CAND1: variants seen among roughly 807,000 people sequenced by gnomAD.
The protein encoded by CAND1 is cullin-associated NEDD8-dissociated protein 1.
CAND1 carries 7 observed loss-of-function variants against 108.5 expected under a neutral mutation model. The ratio of observed to expected loss-of-function variants is 0.06; its 90% confidence interval spans 0.04 to 0.12. The LOEUF (loss-of-function observed/expected upper bound fraction) is 0.12. Among genes scored for constraint, CAND1 ranks in the 10% least tolerant of loss-of-function variants. The probability of loss-of-function intolerance (pLI) is 1.00; values close to 1 mark genes in which losing one functional copy is unlikely to be tolerated. For missense variants in CAND1, 941 were observed against 1,448.7 expected (o/e 0.65, Z 5.69); for synonymous variants, 534 against 512.0 (o/e 1.04, Z -0.58).
rs375165245 is a variant in CAND1, at chr12:67,288,125, A to G, written c.213-4497A>G. Among the ~76,000 whole-genome samples the G allele has an allele frequency of 2.5e-4, 37 of 147,808 alleles. No individual in the cohort carries two copies. In the South Asian group the frequency reaches 7.7e-3, roughly 31 times the overall value. On this transcript the variant is annotated intron_variant, in intron 2 of 14. Transcript: ENST00000545606. ...GGTATTTGATAGTGTTCAGATTTAT[A>G]TCTTTTCTGAATTTTTTTTTTTTTT...
intron 1 of CAND1, among the ~76,000 whole-genome samples, chr12:67,274,865 A>G (rs895111137): frequency 2.0e-5 from 3 of 152,254 alleles, no homozygotes; most frequent in Admixed American, 6.5e-5. Context: ...CAGAGCTGGA[A>G]GGAACCTTAG....
chr12:67,272,675 TTTG>T (rs1050649018), intron 1 of CAND1, among the ~76,000 whole-genome samples: 52 of 152,094 alleles, frequency 3.4e-4, no homozygotes, highest in African/African-American at 8.9e-4. Flanking sequence ...ATGCAGGGTT[TTTG>T]TTGTTGTTGT....
Position 67,269,446 on chromosome 12 carries a change from C to G in CAND1, c.-272C>G. 2.1e-6 allele frequency: 1 copy of G among 474,828 alleles called. No individual in the cohort carries two copies. Among genetic ancestry groups the G allele is most frequent in the Non-Finnish European group, 3.7e-6 (1 of 271,688 alleles). 29.4% of individuals were successfully genotyped at this position (474,828 alleles called of 1,614,324 possible). A position where few individuals can be genotyped will look rare whatever the true frequency, so the allele number is the denominator to read the frequency against. On this transcript the variant is annotated 5_prime_UTR_variant, in exon 1 of 15. Coordinates refer to ENST00000545606, the MANE Select transcript of CAND1 (RefSeq NM_018448.5). ...GGCTCCCCGTAGAGGCCCTTCTGTA[C>G]GCCCCGCCGCCCATGAGCTCGTTCT...
chr12:67,273,853 CATT>C (rs2044545914), intron 1 of CAND1, among the ~76,000 whole-genome samples: 1 of 152,106 alleles, frequency 6.6e-6, no homozygotes. Context: ...AAGAAAATAT[CATT>C]ATCTTTCTAT....
At chr12:67,275,994 C>G (rs184656666) in intron 1 of CAND1, among the ~76,000 whole-genome samples, 290 of 152,304 alleles carry the variant, frequency 1.9e-3, no homozygotes, top group Non-Finnish European at 2.4e-3. Context: ...AAATTACCAT[C>G]CACTGAAAGT....
chr12:67,279,319 G>A (rs549877926), intron 1 of CAND1, among the ~76,000 whole-genome samples: 1 of 152,090 alleles, frequency 6.6e-6, no homozygotes, highest in East Asian at 1.9e-4. Context: ...AAAATGTATT[G>A]AGATCTGTGC....
At chr12:67,295,785 G>GGT (rs1230172732) in intron 4 of CAND1, among the ~76,000 whole-genome samples, 2 of 152,108 alleles carry the variant, frequency 1.3e-5, no homozygotes, top group East Asian at 1.9e-4. Flanking sequence ...TGGGTGTGTG[G>GGT]GTGTGTGTGT....
chr12:67,297,724 A>G, intron 5 of CAND1, 24 bp from the exon 6 acceptor site: 1 of 1,583,342 alleles, frequency 6.3e-7, no homozygotes, highest in Non-Finnish European at 8.6e-7. Flanking sequence ...GCATGTTTTT[A>G]AAGAACCATT....
intron 2 of CAND1, among the ~76,000 whole-genome samples, chr12:67,291,104 A>G (rs985730367): frequency 1.3e-5 from 2 of 152,172 alleles, no homozygotes; most frequent in African/African-American, 4.8e-5. Flanking sequence ...AATGAGATTC[A>G]TGTACCAAAC....
chr12:67,294,240 T>C (rs934109675), intron 3 of CAND1, among the ~76,000 whole-genome samples: 2 of 152,208 alleles, frequency 1.3e-5, no homozygotes, highest in African/African-American at 4.8e-5. Context: ...ACTTTCACAG[T>C]GACTTGTTCT....
intron 3 of CAND1, 86 bp downstream of exon 3, chr12:67,292,862 G>GGAAAAA: frequency 7.7e-7 from 1 of 1,302,254 alleles, no homozygotes; most frequent in Non-Finnish European, 1.1e-6. Context: ...GCCAAGGAGG[G>GGAAAAA]AGGGAGGTGG....
In CAND1 at chr12:67,317,385, T is replaced by G. The variant is rs571994479; in HGVS notation, c.*4555T>G. ...CTCCTGGGCTCAAGCAATCCTGTGT[T>G]GGCCTCCTAAACTGCTGAGATTATT... is the stretch of plus-strand genomic sequence containing the variant. On this transcript the variant is annotated 3_prime_UTR_variant, in exon 15 of 15. Coordinates refer to ENST00000545606, the MANE Select transcript of CAND1 (RefSeq NM_018448.5). The G allele has an allele frequency of 6.6e-6, 1 of 152,204 alleles. No homozygotes were observed. The highest frequency in any genetic ancestry group is 6.6e-5 in the Admixed American group (1 of 15,266). 9.4% of individuals were successfully genotyped at this position (152,204 alleles called of 1,614,324 possible). A position where few individuals can be genotyped will look rare whatever the true frequency, so the allele number is the denominator to read the frequency against.
chr12:67,275,040 A>G (rs1019982672), intron 1 of CAND1, among the ~76,000 whole-genome samples: 8 of 152,166 alleles, frequency 5.3e-5, no homozygotes, highest in African/African-American at 1.9e-4. Flanking sequence ...ACTTTTAAAA[A>G]TACTTAGAAG....
chr12:67,302,909 C>T (rs1378786201), intron 8 of CAND1, among the ~76,000 whole-genome samples: 2 of 152,180 alleles, frequency 1.3e-5, no homozygotes, highest in South Asian at 2.1e-4. Flanking sequence ...TACTTGCGAT[C>T]ACATAACTGA....
intron 1 of CAND1, among the ~76,000 whole-genome samples, chr12:67,277,546 CAT>C (rs1263366467): frequency 5.3e-5 from 8 of 152,080 alleles, no homozygotes; most frequent in Non-Finnish European, 5.9e-5. Flanking sequence ...AAAGCACAAA[CAT>C]GTGAAAAACA....
rs981105067 is a variant in CAND1, at chr12:67,269,902, G to C, written c.68+117G>C. The C allele has an allele frequency of 3.8e-6, 3 of 797,968 alleles. No individual in the cohort carries two copies. The African/African-American group carries it at 5.5e-5, about 15-fold the overall frequency. The allele number at this position is 797,968 out of a possible 1,614,324, so 49.4% of individuals were successfully genotyped here. A position where few individuals can be genotyped will look rare whatever the true frequency, so the allele number is the denominator to read the frequency against. Reference sequence around the variant, plus strand: ...TAGCCGGTAGCTTCTCTGCCCCGAAGTCTCCAGCCCACCGGTCCGCTGGCC... The same window carrying C: ...TAGCCGGTAGCTTCTCTGCCCCGAACTCTCCAGCCCACCGGTCCGCTGGCC... On this transcript the variant is annotated intron_variant, in intron 1 of 14. Transcript: ENST00000545606.
intron 1 of CAND1, among the ~76,000 whole-genome samples, chr12:67,271,993 T>A (rs531454302): frequency 6.6e-6 from 1 of 152,372 alleles, no homozygotes; most frequent in Non-Finnish European, 1.5e-5. Context: ...ATTTTTAGTA[T>A]AGGCATTTAT....
intron 2 of CAND1, among the ~76,000 whole-genome samples, chr12:67,284,139 G>A (rs933414934): frequency 1.1e-4 from 17 of 152,014 alleles, no homozygotes; most frequent in African/African-American, 3.9e-4. Flanking sequence ...TATTTCACAC[G>A]TCTTTAAAAC....
At chr12:67,307,221 A>C (rs1258606455) in intron 10 of CAND1, among the ~76,000 whole-genome samples, 176 bp from the exon 11 acceptor site, 1 of 152,214 alleles carries the variant, frequency 6.6e-6, no homozygotes, top group Non-Finnish European at 1.5e-5. Flanking sequence ...TTTTGTGCTC[A>C]TAAGTAAGTT....
Sources: allele counts gnomAD v4.1 joint callset (sites outside exome capture counted in the v4.1 genomes callset), GRCh38; gene constraint gnomAD v4.1.1; transcripts MANE v1.5; gene names NCBI Gene and HGNC (gene_info 2026-07-23, HGNC 2026-07-21).